Variants in CEP128 observed in about 807,000 individuals in gnomAD.
CEP128 encodes the protein centrosomal protein 128.
In CEP128, 132 loss-of-function variants were observed where a neutral mutation model predicts 156.7. The observed-to-expected ratio is 0.84, with a 90% CI of 0.73 to 0.97. CEP128 has a LOEUF of 0.97. Among genes scored for constraint, CEP128 ranks in the 50% least tolerant of loss-of-function variants. The pLI is 0.00. For missense variants in CEP128, 1,252 were observed against 1,281.9 expected, an observed-to-expected ratio of 0.98 and a Z score of 0.36; for synonymous variants, 469 against 448.9, an observed-to-expected ratio of 1.04 and a Z score of -0.57.
intron 9 of CEP128, among the ~76,000 whole-genome samples, chr14:80,857,558 C>A (rs1381786857): frequency 4.0e-5 from 6 of 151,584 alleles, no homozygotes; most frequent in Admixed American, 6.6e-5. Context: ...TATGGTAAAA[C>A]CCCATCTCTA....
rs186969301 is a variant in CEP128 at position 80,564,367 on chromosome 14, A to C, written c.2857-5065T>G. 2.3e-3 allele frequency among the ~76,000 whole-genome samples: 354 copies of C among 152,338 alleles called. 1 individual carries two copies. Among genetic ancestry groups the C allele is most frequent in the African/African-American group, 8.2e-3 (340 of 41,588 alleles). On this transcript the variant is annotated intron_variant, in intron 20 of 24. Transcript: ENST00000555265. ...ATAATGTGGCTAGACATCATGTTTT[A>C]ATTTGTTCTGGGTTTGACAGATCAG... is the stretch of plus-strand genomic sequence containing the variant.
chr14:80,685,905 T>G (rs369668238), intron 19 of CEP128, among the ~76,000 whole-genome samples: 1 of 152,094 alleles, frequency 6.6e-6, no homozygotes, highest in Admixed American at 6.6e-5. Context: ...AGCTAGGCCA[T>G]AGGCAGAATA....
chr14:80,911,315 A>G (rs1011112903), intron 4 of CEP128, among the ~76,000 whole-genome samples: 1 of 152,176 alleles, frequency 6.6e-6, no homozygotes, highest in Non-Finnish European at 1.5e-5. Flanking sequence ...CCTGGCCAAC[A>G]TGGTAAGATC....
intron 8 of CEP128, among the ~76,000 whole-genome samples, chr14:80,892,773 A>G (rs12100564): frequency 0.084 from 12,742 of 152,038 alleles, 603 homozygotes; most frequent in African/African-American, 0.12. Flanking sequence ...GAAGACAAAA[A>G]TCACCAACAG....
chr14:80,644,349 G>A (rs1325516213), intron 19 of CEP128, among the ~76,000 whole-genome samples: 2 of 152,256 alleles, frequency 1.3e-5, no homozygotes, highest in South Asian at 2.1e-4. Context: ...GGAGATAAAC[G>A]TTTAGGACTC....
intron 2 of CEP128, among the ~76,000 whole-genome samples, chr14:80,928,535 AG>A (rs1456898760): frequency 6.6e-6 from 1 of 152,198 alleles, no homozygotes; most frequent in Non-Finnish European, 1.5e-5. Context: ...TAGACCAAGA[AG>A]AAAAAAGAAT....
intron 13 of CEP128, among the ~76,000 whole-genome samples, chr14:80,799,118 C>G (rs1030534137): frequency 1.3e-5 from 2 of 152,148 alleles, no homozygotes; most frequent in Non-Finnish European, 2.9e-5. Context: ...GTGTTCAAAT[C>G]CCAGCTCTGC....
At chr14:80,542,622 G>A (rs1889814989) in intron 21 of CEP128, among the ~76,000 whole-genome samples, 2 of 152,142 alleles carry the variant, frequency 1.3e-5, no homozygotes, top group Admixed American at 1.3e-4. Context: ...AGAGCAACAT[G>A]TTTCCTATGG....
intron 15 of CEP128, among the ~76,000 whole-genome samples, 177 bp from the exon 16 acceptor site, chr14:80,778,223 C>T (rs79664929): frequency 0.01 from 1,566 of 152,294 alleles, 15 homozygotes; most frequent in Middle Eastern, 0.048. Flanking sequence ...TTCAATCGCT[C>T]ATCAGTATTT....
chr14:80,922,865 A>G (rs1884946682), intron 2 of CEP128, among the ~76,000 whole-genome samples: 1 of 152,264 alleles, frequency 6.6e-6, no homozygotes, highest in Non-Finnish European at 1.5e-5. Flanking sequence ...AAACAGAAAT[A>G]TCTAAATTCT....
downstream of CEP128, among the ~76,000 whole-genome samples, chr14:80,488,780 C>T (rs966694622): frequency 5.3e-5 from 8 of 149,704 alleles, 1 homozygote; most frequent in Admixed American, 1.3e-4. Flanking sequence ...GTGGCACATA[C>T]ACACCATGGA....
chr14:80,566,265 T>C (rs953780819), intron 20 of CEP128, among the ~76,000 whole-genome samples: 11 of 152,152 alleles, frequency 7.2e-5, no homozygotes, highest in Non-Finnish European at 1.5e-4. Context: ...ATAAACCCTA[T>C]AGAATGAAAT....
chr14:80,935,396 C>T (rs1885726259), intron 2 of CEP128, among the ~76,000 whole-genome samples: 1 of 151,624 alleles, frequency 6.6e-6, no homozygotes, highest in South Asian at 2.1e-4. Context: ...ACTAAAACTA[C>T]AATAATTAGC....
intron 19 of CEP128, among the ~76,000 whole-genome samples, chr14:80,679,227 C>T (rs965676094): frequency 1.3e-4 from 20 of 152,196 alleles, no homozygotes; most frequent in South Asian, 2.1e-4. Flanking sequence ...AGAATAACAG[C>T]GATTTTAGGG....
At chr14:80,752,180 T>G (rs2139644910) in intron 18 of CEP128, among the ~76,000 whole-genome samples, 1 of 152,312 alleles carries the variant, frequency 6.6e-6, no homozygotes, top group South Asian at 2.1e-4. Flanking sequence ...CCCAGAATTT[T>G]GCTCCTTTAA....
intron 13 of CEP128, chr14:80,822,783 G>C (rs1023588438): frequency 2.6e-6 from 2 of 756,688 alleles, no homozygotes; most frequent in Admixed American, 1.7e-5. Flanking sequence ...GAAGGTGCTG[G>C]AGACGCCAAG....
At chr14:80,816,701 G>A (rs1243355487) in intron 13 of CEP128, among the ~76,000 whole-genome samples, 85 of 152,196 alleles carry the variant, frequency 5.6e-4, no homozygotes, top group Non-Finnish European at 7.3e-5. Flanking sequence ...AACAAGGCAT[G>A]AGGAAATTGA....
chr14:80,825,101 A>C (rs1167360828), intron 13 of CEP128, among the ~76,000 whole-genome samples: 1 of 152,196 alleles, frequency 6.6e-6, no homozygotes, highest in Non-Finnish European at 1.5e-5. Flanking sequence ...AGACTTATTC[A>C]CTATCATAAG....
intron 16 of CEP128, among the ~76,000 whole-genome samples, chr14:80,775,317 A>G (rs1900732061): frequency 6.6e-6 from 1 of 152,202 alleles, no homozygotes; most frequent in African/African-American, 2.4e-5. Flanking sequence ...GAAAGTCCCT[A>G]TCTGTAGTTG....
Sources: gnomAD v4.1 joint callset for allele counts (sites outside exome capture counted in the v4.1 genomes callset) on GRCh38, gnomAD v4.1.1 for gene constraint, MANE v1.5 for transcripts, NCBI Gene and HGNC (gene_info 2026-07-23, HGNC 2026-07-21) for gene names.